SEL1L2: variants seen among roughly 807,000 people sequenced by gnomAD.
SEL1L2 encodes SEL1L2 adaptor subunit of SYVN1 ubiquitin ligase.
Under a neutral mutation model 98.8 loss-of-function variants are expected in SEL1L2, and 89 were observed. The observed-to-expected ratio is 0.90, with a 90% CI of 0.76 to 1.07. SEL1L2 has a LOEUF of 1.07. Ranked by LOEUF, SEL1L2 falls within the 50% of genes least tolerant of loss-of-function variation. The pLI is 0.00. For missense variants in SEL1L2, 788 were observed against 812.0 expected, an observed-to-expected ratio of 0.97 and a Z score of 0.36; for synonymous variants, 262 against 278.5, an observed-to-expected ratio of 0.94 and a Z score of 0.59.
At chr20:13,882,763 A>G (rs36079287) in intron 10 of SEL1L2, among the ~76,000 whole-genome samples, 16,623 of 149,168 alleles carry the variant, frequency 0.11, 1,002 homozygotes, top group African/African-American at 0.15. Context: ...GTTTGGGACT[A>G]TTTTTTTAAA....
At chr20:13,865,071 T>C in intron 17 of SEL1L2, 96 bp downstream of exon 17, 1 of 875,458 alleles carries the variant, frequency 1.1e-6, no homozygotes, top group Non-Finnish European at 1.9e-6. Flanking sequence ...TTCTACCCTT[T>C]GCTGCCTATG....
At chr20:13,865,140 G>A (rs1290184124) in intron 17 of SEL1L2, 27 bp downstream of exon 17, 2 of 1,581,432 alleles carry the variant, frequency 1.3e-6, no homozygotes, top group Non-Finnish European at 1.7e-6. Flanking sequence ...GACCGGGTAT[G>A]TGCTTATTTT....
chr20:13,895,686 A>G (rs1252754521), intron 5 of SEL1L2, among the ~76,000 whole-genome samples: 2 of 152,272 alleles, frequency 1.3e-5, no homozygotes, highest in Non-Finnish European at 2.9e-5. Flanking sequence ...GATCAGGATC[A>G]AGGCAAAGAT....
At chr20:13,939,040 G>GTTTTTTTTTTTTTTTTTTTTTTTTTTTT (rs386365633) in intron 2 of SEL1L2, among the ~76,000 whole-genome samples, 8 of 114,070 alleles carry the variant, frequency 7.0e-5, no homozygotes, top group African/African-American at 2.4e-4. Flanking sequence ...TGCTTGTTTT[G>GTTTTTTTTTTTTTTTTTTTTTTTTTTTT]TTTTTTTTTT....
chr20:13,871,441 T>C (rs2046188733), intron 12 of SEL1L2, among the ~76,000 whole-genome samples: 1 of 152,186 alleles, frequency 6.6e-6, no homozygotes, highest in Non-Finnish European at 1.5e-5. Context: ...AAAACTCCTT[T>C]TTCTTTCCAT....
At chr20:13,990,063 T>C (rs2052465236) in intron 1 of SEL1L2, among the ~76,000 whole-genome samples, 1 of 152,238 alleles carries the variant, frequency 6.6e-6, no homozygotes, top group South Asian at 2.1e-4. Context: ...TGTTATTGTG[T>C]AAATATTTTA....
chr20:13,901,598 C>T (rs964593920), intron 5 of SEL1L2, among the ~76,000 whole-genome samples: 2 of 151,386 alleles, frequency 1.3e-5, no homozygotes, highest in Admixed American at 6.6e-5. Context: ...TCAAAGCTAC[C>T]ATTTCTCAAA....
intron 1 of SEL1L2, among the ~76,000 whole-genome samples, chr20:13,957,194 G>A (rs559441249): frequency 4.0e-5 from 6 of 151,718 alleles, no homozygotes; most frequent in East Asian, 1.9e-4. Context: ...CTCTGCCTCC[G>A]TGTTCAAGCA....
intron 10 of SEL1L2, among the ~76,000 whole-genome samples, chr20:13,882,886 G>A (rs1404951151): frequency 1.4e-5 from 2 of 140,626 alleles, no homozygotes; most frequent in East Asian, 4.1e-4. Flanking sequence ...GCGGGATCTC[G>A]GCTCACTGCA....
intron 18 of SEL1L2, among the ~76,000 whole-genome samples, chr20:13,851,134 C>A (rs961042444): frequency 6.6e-6 from 1 of 151,696 alleles, no homozygotes; most frequent in African/African-American, 2.4e-5. Flanking sequence ...TTATTTGGCA[C>A]GAGAATTGCT....
At chr20:13,938,090 T>C (rs1412904530) in intron 2 of SEL1L2, among the ~76,000 whole-genome samples, 1 of 151,572 alleles carries the variant, frequency 6.6e-6, no homozygotes, top group Non-Finnish European at 1.5e-5. Flanking sequence ...TTTCTTTTTT[T>C]TTTTTTTTGA....
At chr20:13,986,874 C>G (rs959218931) in intron 1 of SEL1L2, among the ~76,000 whole-genome samples, 1 of 152,186 alleles carries the variant, frequency 6.6e-6, no homozygotes, top group South Asian at 2.1e-4. Context: ...GCTCTGTCAC[C>G]CAGGCTGGAG....
intron 12 of SEL1L2, among the ~76,000 whole-genome samples, chr20:13,873,843 T>G (rs2046313748): frequency 6.6e-6 from 1 of 152,102 alleles, no homozygotes; most frequent in South Asian, 2.1e-4. Context: ...ACCCCTTTAT[T>G]TAATAACCCC....
At chr20:13,876,218 T>C (rs937727063) in intron 11 of SEL1L2, 103 bp from the exon 12 acceptor site, 1 of 800,258 alleles carries the variant, frequency 1.2e-6, no homozygotes, top group Admixed American at 1.9e-5. Flanking sequence ...ACATATTGAA[T>C]GTAGTAAATG....
At chr20:13,856,442 G>A (rs1230356016) in intron 18 of SEL1L2, among the ~76,000 whole-genome samples, 1 of 152,100 alleles carries the variant, frequency 6.6e-6, no homozygotes, top group Non-Finnish European at 1.5e-5. Flanking sequence ...CTGAGAAACA[G>A]TTTCATAACA....
intron 2 of SEL1L2, among the ~76,000 whole-genome samples, chr20:13,947,649 G>A (rs1048895435): frequency 4.6e-5 from 7 of 152,336 alleles, no homozygotes; most frequent in South Asian, 4.1e-4. Flanking sequence ...AAGAAGAGAA[G>A]AGCTGTAGCC....
intron 1 of SEL1L2, among the ~76,000 whole-genome samples, chr20:13,985,634 G>A (rs1050260690): frequency 3.3e-5 from 5 of 152,058 alleles, no homozygotes; most frequent in African/African-American, 1.2e-4. Flanking sequence ...CTGTTCTTAG[G>A]TATTCTTATA....
At chr20:13,926,355 T>G (rs1435249247) in intron 3 of SEL1L2, among the ~76,000 whole-genome samples, 1 of 151,130 alleles carries the variant, frequency 6.6e-6, no homozygotes, top group African/African-American at 2.5e-5. Flanking sequence ...TCAAAAAAAG[T>G]GACCTTCAGA....
rs139288385 is a variant in SEL1L2, at chr20:13,978,785, G to A, written c.58+11692C>T. On this transcript the variant is annotated intron_variant, in intron 1 of 19. Coordinates refer to ENST00000284951, the MANE Select transcript of SEL1L2 (RefSeq NM_025229.2). Reference sequence around the variant, plus strand: ...GAAAAAGAATGAAATCACCAGGTGCGGTGGCTCACGCCTGTAATCCCAACA... The same window carrying A: ...GAAAAAGAATGAAATCACCAGGTGCAGTGGCTCACGCCTGTAATCCCAACA... 5.0e-3 allele frequency among the ~76,000 whole-genome samples: 767 copies of A among 152,240 alleles called. 9 individuals are homozygous for A. Among genetic ancestry groups the A allele is most frequent in the African/African-American group, 0.017 (708 of 41,550 alleles).
Sources: allele counts gnomAD v4.1 joint callset (sites outside exome capture counted in the v4.1 genomes callset), GRCh38; gene constraint gnomAD v4.1.1; transcripts MANE v1.5; gene names NCBI Gene and HGNC (gene_info 2026-07-23, HGNC 2026-07-21).